Variants in EPM2A observed in about 807,000 individuals in gnomAD.
EPM2A encodes the protein laforin.
A neutral mutation model predicts 26.5 loss-of-function variants in EPM2A; 21 were observed. That is an observed-to-expected ratio of 0.79 (90% CI 0.56 to 1.14). The LOEUF is 1.14. Ranked by LOEUF, EPM2A falls within the 50% of genes most tolerant of loss-of-function variation. EPM2A has a pLI of 0.00. For missense variants in EPM2A, 458 were observed against 440.8 expected (o/e 1.04, Z -0.35); for synonymous variants, 217 against 177.6 (o/e 1.22, Z -1.76).
chr6:145,646,881 T>A (rs912436277), intron 2 of EPM2A, among the ~76,000 whole-genome samples: 1 of 152,084 alleles, frequency 6.6e-6, no homozygotes, highest in Non-Finnish European at 1.5e-5. Flanking sequence ...GTTCCCAGTC[T>A]CCAGGAATTG....
intron 2 of EPM2A, among the ~76,000 whole-genome samples, chr6:145,647,897 G>T (rs890051372): frequency 4.6e-5 from 7 of 152,262 alleles, no homozygotes; most frequent in Admixed American, 4.6e-4. Flanking sequence ...ATTATTTGTT[G>T]AATTTAGCTC....
At chr6:145,724,522 T>C (rs2128640900) in intron 1 of EPM2A, among the ~76,000 whole-genome samples, 1 of 152,166 alleles carries the variant, frequency 6.6e-6, no homozygotes, top group Middle Eastern at 3.4e-3. Flanking sequence ...AAAAAGTATT[T>C]TGAAAAGCAT....
downstream of EPM2A, among the ~76,000 whole-genome samples, chr6:145,624,255 C>T (rs1775699004): frequency 2.6e-5 from 4 of 152,196 alleles, no homozygotes; most frequent in South Asian, 8.3e-4. Flanking sequence ...ATCTCTTTCC[C>T]AGGCACATAA....
At chr6:145,550,964 T>G (rs1780647243) in intron 2 of EPM2A, among the ~76,000 whole-genome samples, 1 of 152,006 alleles carries the variant, frequency 6.6e-6, no homozygotes, top group Non-Finnish European at 1.5e-5. Flanking sequence ...AATTTTTGAC[T>G]GTGCAGTGCT....
intron 1 of EPM2A, among the ~76,000 whole-genome samples, chr6:145,703,876 T>C (rs62433831): frequency 0.015 from 2,326 of 152,316 alleles, 30 homozygotes; most frequent in Non-Finnish European, 0.025. Context: ...GAACATGTCA[T>C]AAACATCAAG....
chr6:145,429,977 A>C (rs1162018867), intron 4 of EPM2A, among the ~76,000 whole-genome samples: 2 of 152,144 alleles, frequency 1.3e-5, no homozygotes, highest in Non-Finnish European at 2.9e-5. Flanking sequence ...CGGGCAGATC[A>C]CCTGAAGTCA....
chr6:145,708,939 A>G (rs1042603483), intron 1 of EPM2A, among the ~76,000 whole-genome samples: 28 of 152,174 alleles, frequency 1.8e-4, no homozygotes, highest in Non-Finnish European at 3.5e-4. Flanking sequence ...TGTGAGATAT[A>G]AAATCAAAGG....
intron 2 of EPM2A, among the ~76,000 whole-genome samples, chr6:145,537,353 C>T (rs778438932): frequency 1.6e-4 from 24 of 152,286 alleles, no homozygotes; most frequent in Non-Finnish European, 2.9e-4. Flanking sequence ...GGCTATTTAA[C>T]CCTGTGCTTT....
intron 1 of EPM2A, among the ~76,000 whole-genome samples, chr6:145,710,833 A>C (rs1775273871): frequency 6.6e-6 from 1 of 152,038 alleles, no homozygotes; most frequent in African/African-American, 2.4e-5. Context: ...GACATAGATG[A>C]AGCTGGAAAT....
intron 2 of EPM2A, among the ~76,000 whole-genome samples, chr6:145,510,274 A>G (rs573487136): frequency 6.6e-6 from 1 of 152,288 alleles, no homozygotes; most frequent in South Asian, 2.1e-4. Context: ...TGCACCCAAC[A>G]ACCACAGAAT....
intron 2 of EPM2A, among the ~76,000 whole-genome samples, chr6:145,679,273 G>C (rs888934835): frequency 6.6e-6 from 1 of 151,526 alleles, no homozygotes; most frequent in African/African-American, 2.4e-5. Context: ...GTGGGGTACT[G>C]GGGGCGGGAT....
intron 2 of EPM2A, among the ~76,000 whole-genome samples, chr6:145,503,350 T>C (rs1036576116): frequency 2.8e-5 from 4 of 144,756 alleles, no homozygotes; most frequent in Non-Finnish European, 6.0e-5. Flanking sequence ...AACCCCATCG[T>C]CTCAGCCCAA....
At chr6:145,422,070 T>C (rs1335148948) in intron 4 of EPM2A, among the ~76,000 whole-genome samples, 1 of 126,156 alleles carries the variant, frequency 7.9e-6, no homozygotes, top group Non-Finnish European at 1.7e-5. Flanking sequence ...TATATATATA[T>C]ATATATAGAG....
chr6:145,565,075 T>G (rs942301576), intron 2 of EPM2A, among the ~76,000 whole-genome samples: 1 of 152,130 alleles, frequency 6.6e-6, no homozygotes, highest in East Asian at 1.9e-4. Flanking sequence ...TCCTTCTCTG[T>G]CTCATCTAAA....
chr6:145,696,826 T>G (rs796253796), intron 1 of EPM2A, among the ~76,000 whole-genome samples: 1 of 128,338 alleles, frequency 7.8e-6, no homozygotes, highest in Non-Finnish European at 1.7e-5. Flanking sequence ...TGTGTGTGTG[T>G]GGTGTGTTTC....
Position 145,473,000 on chromosome 6 carries a change from T to G in EPM2A, c.555+29522A>C, listed in dbSNP as rs552769147. The stretch of plus-strand genomic sequence containing the variant: ...TTCAATTCCCAGACACTGAAGAACA[T>G]CTAGTAGCATCAACACTATCCAGGA... On this transcript the variant is annotated intron_variant, in intron 4 of 4. Coordinates refer to the EPM2A transcript ENST00000638717. Among the ~76,000 whole-genome samples, 18 of 152,000 alleles carry G rather than the reference T, an allele frequency of 1.2e-4. No homozygotes were observed. The South Asian group carries it at 3.3e-3, about 28-fold the overall frequency.
intron 4 of EPM2A, among the ~76,000 whole-genome samples, chr6:145,409,705 A>C (rs924729058): frequency 1.3e-5 from 2 of 152,148 alleles, no homozygotes; most frequent in African/African-American, 4.8e-5. Flanking sequence ...CTGGGCTTTC[A>C]TCTACTATAT....
At chr6:145,386,300 A>G (rs1214097391) in intron 4 of EPM2A, among the ~76,000 whole-genome samples, 1 of 152,148 alleles carries the variant, frequency 6.6e-6, no homozygotes, top group East Asian at 1.9e-4. Context: ...TATACTACGT[A>G]TGGACACTAT....
At chr6:145,720,211 A>C (rs188168794) in intron 1 of EPM2A, among the ~76,000 whole-genome samples, 1 of 152,206 alleles carries the variant, frequency 6.6e-6, no homozygotes, top group African/African-American at 2.4e-5. Flanking sequence ...AAAAAAGCAT[A>C]CATAGCTCTG....
Sources: gnomAD v4.1 joint callset for allele counts (sites outside exome capture counted in the v4.1 genomes callset) on GRCh38, gnomAD v4.1.1 for gene constraint, MANE v1.5 for transcripts, NCBI Gene and HGNC (gene_info 2026-07-23, HGNC 2026-07-21) for gene names.